The following CHPF2 variants were observed in gnomAD, a reference collection of about 807,000 sequenced individuals.
The protein encoded by CHPF2 is chondroitin polymerizing factor 2.
A neutral mutation model predicts 63.0 loss-of-function variants in CHPF2; 58 were observed. The observed-to-expected ratio is 0.92, with a 90% CI of 0.75 to 1.15. The LOEUF is 1.15. Among genes scored for constraint, CHPF2 ranks in the 50% most tolerant of loss-of-function variants. The probability of loss-of-function intolerance (pLI) is 0.00; values close to 1 mark genes in which losing one functional copy is unlikely to be tolerated. For missense variants in CHPF2, 1,045 were observed against 1,035.4 expected (o/e 1.01, Z -0.13); for synonymous variants, 442 against 438.0 (o/e 1.01, Z -0.11).
chr7:151,236,890 T>G (rs1160886010), intron 3 of CHPF2: 2 of 561,100 alleles, frequency 3.6e-6, no homozygotes, highest in African/African-American at 3.7e-5. Context: ...CAGAATAGTT[T>G]TAGCTCCTCC....
Position 151,236,482 on chromosome 7 carries a change from T to G in CHPF2, c.903T>G (p.Ser301Arg), listed in dbSNP as rs1342503112. 1 of 1,610,182 alleles carries G rather than the reference T, an allele frequency of 6.2e-7. No homozygotes were observed. Residue 301 changes from serine to arginine, a missense_variant, in exon 3 of 4, where the codon AGT becomes AGG. Physicochemically the swap from Ser to Arg is moderately radical, Grantham distance 110. Transcript: ENST00000035307. ...PEKEGSSAFL[S>R]AFAVHPVSEG... ...AGGAAGGGAGCTCGGCTTTCCTGAG[T>G]GCCTTCGCCGTGCACCCTGTCTCCG...
chr7:151,234,766 C>T (rs1447392007), intron 1 of CHPF2, among the ~76,000 whole-genome samples: 1 of 152,170 alleles, frequency 6.6e-6, no homozygotes, highest in East Asian at 1.9e-4. Flanking sequence ...GCTGGGATTA[C>T]AGGCGTGAGC....
rs559336305 is a variant in CHPF2 at position 151,238,749 on chromosome 7, G to T, written c.*68G>T. The T allele has an allele frequency of 1.4e-4, 223 of 1,598,008 alleles. 1 individual carries two copies. The South Asian group carries it at 1.7e-3, about 12-fold the overall frequency. ...CTCAGCCCCAGGAAGGGCAAGGCAA[G>T]ATGGTGGACAGATAGAGAATTGTTG... On this transcript the variant is annotated 3_prime_UTR_variant, in exon 4 of 4. Coordinates refer to ENST00000035307, the MANE Select transcript of CHPF2 (RefSeq NM_019015.3).
rs1490728116 is a variant in CHPF2, at chr7:151,238,022, C to T, written c.1660C>T (p.Arg554Ter). The T allele has an allele frequency of 3.1e-6, 5 of 1,612,924 alleles. No homozygotes were observed. The highest frequency in any genetic ancestry group is 2.2e-5 in the East Asian group (1 of 44,878). Reference sequence around the variant, plus strand: ...GAAGGCTGCAGCAGCGGAGTTAGAGCGACGGTACCCTGGGACGAGGCTGGC... The same window carrying T: ...GAAGGCTGCAGCAGCGGAGTTAGAGTGACGGTACCCTGGGACGAGGCTGGC... ...GVKAAAAELE[R>*]RYPGTRLAWL... Residue 554 changes from arginine to a stop codon, truncating the protein, a stop_gained, in exon 4 of 4, where the codon CGA becomes TGA. Coordinates refer to ENST00000035307, the MANE Select transcript of CHPF2 (RefSeq NM_019015.3). LOFTEE classifies it high-confidence loss of function.
rs904808204 is a variant in CHPF2, at chr7:151,233,210, C to T, written c.-802C>T. 1 of 1,017,270 alleles carries T rather than the reference C, an allele frequency of 9.8e-7. No individual in the cohort carries two copies. Among genetic ancestry groups the T allele is most frequent in the Non-Finnish European group, 1.2e-6 (1 of 851,076 alleles). The allele number at this position is 1,017,270 out of a possible 1,614,324, so 63.0% of individuals were successfully genotyped here. A position where few individuals can be genotyped will look rare whatever the true frequency, so the allele number is the denominator to read the frequency against. Reference sequence around the variant, plus strand: ...TTCCAGTCCCCGCCTGCTGTCTCCTCAGCAGCTGGGGTTCCGAGGAGAATG... The same window carrying T: ...TTCCAGTCCCCGCCTGCTGTCTCCTTAGCAGCTGGGGTTCCGAGGAGAATG... On this transcript the variant is annotated 5_prime_UTR_variant, in exon 1 of 4. Coordinates refer to ENST00000035307, the MANE Select transcript of CHPF2 (RefSeq NM_019015.3).
At position 151,238,473 on chromosome 7, in the gene CHPF2, T is replaced by C. The variant is rs756126800; in HGVS notation, c.2111T>C (p.Val704Ala). The C allele has an allele frequency of 5.1e-5, 81 of 1,579,964 alleles. No individual in the cohort carries two copies. The highest frequency in any genetic ancestry group is 6.8e-5 in the Non-Finnish European group (79 of 1,160,632). The change falls in exon 4 of 4, where the codon GTG becomes GCG. Residue 704 changes from valine to alanine, a missense_variant. By Grantham distance (64) the Val-to-Ala change is moderately conservative. Coordinates refer to ENST00000035307, the MANE Select transcript of CHPF2 (RefSeq NM_019015.3). The part of the protein sequence containing the change: ...EEEEALEGLE[V>A]MDVFLRFSGL... ...GAGGAAGCCCTGGAGGGGCTGGAGG[T>C]GATGGATGTTTTCCTCCGGTTCTCA...
In CHPF2 at chr7:151,236,339, T is replaced by G. The variant is rs1450868824; in HGVS notation, c.829-69T>G. 39 of 1,356,600 alleles carry G rather than the reference T, an allele frequency of 2.9e-5. 1 individual carries two copies. The Admixed American group carries it at 8.1e-4, about 28-fold the overall frequency. 84.0% of individuals were successfully genotyped at this position (1,356,600 alleles called of 1,614,324 possible). On this transcript the variant is annotated intron_variant, in intron 2 of 3. Transcript: ENST00000035307. ...AGTGCTAACAGATGTGAACACTGAG[T>G]ATGGTTAAGGGCGGTTTGGGACTGG...
rs564017041 is a variant in CHPF2, at chr7:151,233,087, C to T, written c.-925C>T. ...TGCGTTCCCAGGACCCTGGCATTGTCTCTAGTTGCTGCTTGTGCTCTCTCT... is the reference window on the plus strand; with the variant it reads ...TGCGTTCCCAGGACCCTGGCATTGTTTCTAGTTGCTGCTTGTGCTCTCTCT... On this transcript the variant is annotated 5_prime_UTR_variant, in exon 1 of 4. Transcript: ENST00000035307. 4.1e-6 allele frequency: 5 copies of T among 1,220,898 alleles called. No homozygotes were observed. Among genetic ancestry groups the T allele is most frequent in the Non-Finnish European group, 5.1e-6 (5 of 978,666 alleles). The allele number at this position is 1,220,898 out of a possible 1,614,324, so 75.6% of individuals were successfully genotyped here.
chr7:151,238,677 C>T lies in CHPF2; in HGVS notation c.2315C>T (p.Thr772Ile). 4 of 1,607,898 alleles carry T rather than the reference C, an allele frequency of 2.5e-6. No individual in the cohort carries two copies. The highest frequency in any genetic ancestry group is 2.5e-6 in the Non-Finnish European group (3 of 1,177,538). The change falls in exon 4 of 4, where the codon ACT becomes ATT. Residue 772 changes from threonine to isoleucine, a missense_variant. Transcript: ENST00000035307. The stretch of plus-strand genomic sequence containing the variant: ...TTTGAGCAGGAGCAGGCCAATAGCA[C>T]TTAGCCCGCCTGGGGGCCCTAACCT... ...ALFEQEQANS[T>I] is the part of the protein sequence containing the mutation.
intron 3 of CHPF2, 108 bp from the exon 4 acceptor site, chr7:151,237,266 A>G (rs922444682): frequency 3.9e-6 from 3 of 773,894 alleles, no homozygotes; most frequent in African/African-American, 3.5e-5. Context: ...CTAAGTGTTG[A>G]TGGAGTTAGG....
rs909196590 is a variant in CHPF2, at chr7:151,238,062, G to A, written c.1700G>A (p.Arg567Gln). 15 of 1,612,392 alleles carry A rather than the reference G, an allele frequency of 9.3e-6. No individual in the cohort carries two copies. Among genetic ancestry groups the A allele is most frequent in the South Asian group, 5.5e-5 (5 of 91,080 alleles). Reference protein sequence around the residue: ...PGTRLAWLAVRAEAPSQVRLM... With the variant: ...PGTRLAWLAVQAEAPSQVRLM... ...ACGAGGCTGGCCTGGCTCGCTGTGC[G>A]AGCAGAGGCCCCTTCCCAGGTGCGA... The change falls in exon 4 of 4, where the codon CGA becomes CAA. Residue 567 changes from arginine to glutamine, a missense_variant. Transcript: ENST00000035307.
At position 151,233,933 on chromosome 7, in the gene CHPF2, AC is replaced by A. The variant is rs1335558048; in HGVS notation, c.-78del. 1 of 1,415,874 alleles carries A rather than the reference AC, an allele frequency of 7.1e-7. No individual in the cohort carries two copies. Among genetic ancestry groups the A allele is most frequent in the East Asian group, 2.7e-5 (1 of 37,610 alleles). 87.7% of individuals were successfully genotyped at this position (1,415,874 alleles called of 1,614,324 possible). A position where few individuals can be genotyped will look rare whatever the true frequency, so the allele number is the denominator to read the frequency against. On this transcript the variant is annotated 5_prime_UTR_variant, in exon 1 of 4. Transcript: ENST00000035307. ...GTTCTCTGGTTAAAACTGAAAGCCT[AC>A]TACTGGCCTGGTGCCCATCAATCCA...
intron 2 of CHPF2, 114 bp from the exon 3 acceptor site, chr7:151,236,294 G>A: frequency 1.1e-6 from 1 of 917,850 alleles, no homozygotes; most frequent in Non-Finnish European, 1.6e-6. Flanking sequence ...TGCCTCTTCT[G>A]TCCTCTGTTC....
chr7:151,236,673 G>A (rs563055890), intron 3 of CHPF2, 83 bp downstream of exon 3: 4 of 1,316,258 alleles, frequency 3.0e-6, no homozygotes, highest in African/African-American at 3.0e-5. Flanking sequence ...TGCAATGAAC[G>A]AGCAGCTGGC....
chr7:151,233,872 C>T lies in CHPF2; in HGVS notation c.-140C>T, dbSNP rs941134046. On this transcript the variant is annotated 5_prime_UTR_variant, in exon 1 of 4. Transcript: ENST00000035307. ...TGGGGATGCTGGTCCTGGAAGCCAG[C>T]GGGCCTCGCTCTGTCTTTGGCCTCA... The T allele has an allele frequency of 2.2e-5, 28 of 1,286,832 alleles. No homozygotes were observed. The Admixed American group carries it at 2.2e-4, about 10-fold the overall frequency. The allele number at this position is 1,286,832 out of a possible 1,614,324, so 79.7% of individuals were successfully genotyped here.
In CHPF2 at chr7:151,237,510, CCTT is replaced by C. The variant is rs975336786; in HGVS notation, c.1151_1153del (p.Phe384del). ...TGGGACTACTTCACAGAGCAGCACACCTTCTCCTGTGCAGATGGGGCTCCCAAG... is the reference window on the plus strand; with the variant it reads ...TGGGACTACTTCACAGAGCAGCACACCTCCTGTGCAGATGGGGCTCCCAAG... On this transcript the variant is annotated inframe_deletion, in exon 4 of 4. Transcript: ENST00000035307. 2.0e-5 allele frequency: 32 copies of C among 1,613,932 alleles called. No homozygotes were observed. The highest frequency in any genetic ancestry group is 2.7e-5 in the African/African-American group (2 of 74,948).
In CHPF2 at chr7:151,237,524, G is replaced by C. The variant is rs1219676110; in HGVS notation, c.1162G>C (p.Asp388His). ...FTEQHTFSCA[D>H]GAPKCPLQGA... ...AGAGCAGCACACCTTCTCCTGTGCA[G>C]ATGGGGCTCCCAAGTGCCCACTACA... Residue 388 changes from aspartate (D) to histidine (H), a missense_variant, in exon 4 of 4, where the codon GAT becomes CAT. By Grantham distance (81) the Asp-to-His change is moderately conservative. Transcript: ENST00000035307. The C allele has an allele frequency of 1.2e-6, 2 of 1,614,036 alleles. No homozygotes were observed. Among genetic ancestry groups the C allele is most frequent in the South Asian group, 2.2e-5 (2 of 91,090 alleles).
Position 151,238,641 on chromosome 7 carries a change from C to G in CHPF2, c.2279C>G (p.Ala760Gly). 6.2e-7 allele frequency: 1 copy of G among 1,610,850 alleles called. No individual in the cohort carries two copies. Among genetic ancestry groups the G allele is most frequent in the Non-Finnish European group, 8.5e-7 (1 of 1,178,232 alleles). ...LEGLGGRAQL[A>G]MALFEQEQAN... ...GGGCTAGGGGGCCGTGCCCAGCTGGCTATGGCTCTCTTTGAGCAGGAGCAG... is the reference window on the plus strand; with the variant it reads ...GGGCTAGGGGGCCGTGCCCAGCTGGGTATGGCTCTCTTTGAGCAGGAGCAG... The change falls in exon 4 of 4, where the codon GCT becomes GGT. Residue 760 changes from alanine (A) to glycine (G), a missense_variant. Ala to Gly is a moderately conservative substitution (Grantham distance 60). Transcript: ENST00000035307.
chr7:151,237,209 TGAA>T (rs773664921), intron 3 of CHPF2, 162 bp from the exon 4 acceptor site: 9 of 613,344 alleles, frequency 1.5e-5, no homozygotes, highest in African/African-American at 1.8e-5. Flanking sequence ...ATTTTAGAGG[TGAA>T]GAATAACGTA....
Sources: gnomAD v4.1 joint callset for allele counts (sites outside exome capture counted in the v4.1 genomes callset) on GRCh38, gnomAD v4.1.1 for gene constraint, MANE v1.5 for transcripts, NCBI Gene and HGNC (gene_info 2026-07-23, HGNC 2026-07-21) for gene names.